The following MCF2L variants were observed in gnomAD, a reference collection of about 807,000 sequenced individuals.
MCF2L encodes guanine nucleotide exchange factor DBS.
Under a neutral mutation model 153.4 loss-of-function variants are expected in MCF2L, and 97 were observed. That is an observed-to-expected ratio of 0.63 (90% CI 0.54 to 0.75). MCF2L has a LOEUF of 0.75. Ranked by LOEUF, MCF2L falls within the 30% of genes least tolerant of loss-of-function variation. The pLI is 0.00. For synonymous variants in MCF2L, 659 were observed against 632.2 expected (o/e 1.04, Z -0.64); for missense variants, 1,347 against 1,495.2 (o/e 0.90, Z 1.64).
At chr13:112,979,324 C>T (rs772839260) in intron 1 of MCF2L, 2 of 1,225,062 alleles carry the variant, frequency 1.6e-6, no homozygotes, top group Non-Finnish European at 2.0e-6. Flanking sequence ...AACTTGCACA[C>T]AGCAGGCAGG....
chr13:113,091,909 C>T lies in MCF2L; in HGVS notation c.2953+2181C>T, dbSNP rs542174056. Among the ~76,000 whole-genome samples, 15 of 152,290 alleles carry T rather than the reference C, an allele frequency of 9.8e-5. No homozygotes were observed. In the South Asian group the frequency reaches 2.9e-3, roughly 29 times the overall value. On this transcript the variant is annotated intron_variant, in intron 26 of 29. Coordinates refer to ENST00000535094, the MANE Select transcript of MCF2L (RefSeq NM_001112732.3). ...GCAGAACCAGCCTTCCCATTCCGCC[C>T]GCCTCCACAGCCTCCTCACATGACA...
intron 2 of MCF2L, among the ~76,000 whole-genome samples, chr13:112,917,694 C>T (rs1298899068): frequency 6.6e-6 from 1 of 152,250 alleles, no homozygotes; most frequent in African/African-American, 2.4e-5. Context: ...TTCAGGCCCT[C>T]CTTGGTGTCT....
chr13:112,896,980 G>A (rs530398952), intron 1 of MCF2L, among the ~76,000 whole-genome samples: 1 of 152,326 alleles, frequency 6.6e-6, no homozygotes, highest in Admixed American at 6.5e-5. Context: ...ACTGGTCAGG[G>A]GCCATGCAGG....
rs61158736 is a variant in MCF2L, at chr13:113,084,324, TACCCCAGAACCTCCTGA to T, written c.2061+270_2061+286del. Among the ~76,000 whole-genome samples the T allele has an allele frequency of 3.2e-4, 47 of 146,306 alleles. 1 individual carries two copies. The Middle Eastern group carries it at 0.01, about 32-fold the overall frequency. On this transcript the variant is annotated intron_variant, in intron 18 of 29. Coordinates refer to ENST00000535094, the MANE Select transcript of MCF2L (RefSeq NM_001112732.3). ...ACCTCCTGTACCCCAGGACCTCCTGTACCCCAGAACCTCCTGAACCCCAGAACCTTCTGTACCCCCAG... is the reference window on the plus strand; with the variant it reads ...ACCTCCTGTACCCCAGGACCTCCTGTACCCCAGAACCTTCTGTACCCCCAG...
intron 13 of MCF2L, among the ~76,000 whole-genome samples, chr13:113,077,875 CAG>C (rs1303644498): frequency 1.3e-5 from 2 of 152,236 alleles, no homozygotes; most frequent in African/African-American, 2.4e-5. Flanking sequence ...CTGTCAATCT[CAG>C]GGGCCCCGGG....
At chr13:113,009,377 A>G (rs1469746571) in intron 1 of MCF2L, 11 of 152,294 alleles carry the variant, frequency 7.2e-5, no homozygotes, top group African/African-American at 2.7e-4. Context: ...TGAAATATTT[A>G]TACCTAACCC....
intron 3 of MCF2L, chr13:113,044,797 G>T (rs1270651848): frequency 6.2e-7 from 1 of 1,612,806 alleles, no homozygotes; most frequent in Non-Finnish European, 8.5e-7. Flanking sequence ...AGAAGTCTTG[G>T]GGATTTTCTC....
intron 2 of MCF2L, among the ~76,000 whole-genome samples, chr13:112,926,610 C>A (rs2081409796): frequency 6.6e-6 from 1 of 152,178 alleles, no homozygotes; most frequent in Non-Finnish European, 1.5e-5. Flanking sequence ...TATATACACA[C>A]AGTGGAGTGC....
intron 8 of MCF2L, among the ~76,000 whole-genome samples, chr13:113,066,689 C>T (rs1414491459): frequency 2.0e-5 from 3 of 151,844 alleles, no homozygotes. Context: ...CCCTGAGCAT[C>T]CCCCTCACCC....
At chr13:113,084,317 C>T (rs2034431177) in intron 18 of MCF2L, among the ~76,000 whole-genome samples, 1 of 151,610 alleles carries the variant, frequency 6.6e-6, no homozygotes, top group African/African-American at 2.4e-5. Context: ...TACCCCAGGA[C>T]CTCCTGTACC....
At chr13:113,001,773 G>T in intron 1 of MCF2L, 1 of 1,403,866 alleles carries the variant, frequency 7.1e-7, no homozygotes, top group South Asian at 1.6e-5. Context: ...GCAGAGGCCA[G>T]GTCTGCCCAG....
At chr13:113,088,463 C>A in intron 24 of MCF2L, 58 bp downstream of exon 24, 1 of 1,608,288 alleles carries the variant, frequency 6.2e-7, no homozygotes, top group Non-Finnish European at 8.5e-7. Context: ...GCATTTTTAC[C>A]TATGTTCAGA....
chr13:112,922,619 G>T (rs1015209674), intron 2 of MCF2L, among the ~76,000 whole-genome samples: 2 of 151,752 alleles, frequency 1.3e-5, no homozygotes, highest in African/African-American at 4.8e-5. Flanking sequence ...GATTGCCTGA[G>T]CTCAGGAGTT....
At position 113,054,343 on chromosome 13, in the gene MCF2L, G is replaced by A. The variant is rs570939694; in HGVS notation, c.370-6250G>A. On this transcript the variant is annotated intron_variant, in intron 4 of 29. Transcript: ENST00000535094. The surrounding 1 kb of genome is among the most constrained non-coding windows in gnomAD (Gnocchi z 5.2). Reference sequence around the variant, plus strand: ...TTTGCTAGAGGACCAGTCCCCAAACGGCCGCGCTTTTAGGATTGGTTTTAG... The same window carrying A: ...TTTGCTAGAGGACCAGTCCCCAAACAGCCGCGCTTTTAGGATTGGTTTTAG... 3 of 167,774 alleles carry A rather than the reference G, an allele frequency of 1.8e-5. No individual in the cohort carries two copies. The highest frequency in any genetic ancestry group is 4.2e-4 in the South Asian group (2 of 4,818). 10.4% of individuals were successfully genotyped at this position (167,774 alleles called of 1,614,324 possible).
chr13:113,058,660 A>ATGT (rs2030742964), intron 4 of MCF2L, among the ~76,000 whole-genome samples: 2 of 126,196 alleles, frequency 1.6e-5, no homozygotes, highest in African/African-American at 3.1e-5. Flanking sequence ...TTGGGCACTG[A>ATGT]GTGGGCGCTG....
At chr13:112,918,560 G>A (rs3011502) in intron 2 of MCF2L, among the ~76,000 whole-genome samples, 15,626 of 152,152 alleles carry the variant, frequency 0.1, 1,041 homozygotes, top group African/African-American at 0.19. Flanking sequence ...CCTAGGCCTG[G>A]GGGGATGCAG....
intron 2 of MCF2L, among the ~76,000 whole-genome samples, chr13:112,935,353 G>A (rs1359095250): frequency 7.2e-5 from 11 of 152,150 alleles, no homozygotes; most frequent in African/African-American, 2.7e-4. Flanking sequence ...CGCCTCCCGG[G>A]TTCCAGCGAT....
chr13:113,078,579 A>T (rs1039089985), intron 14 of MCF2L, 87 bp from the exon 15 acceptor site: 1 of 1,422,084 alleles, frequency 7.0e-7, no homozygotes, highest in East Asian at 2.4e-5. Context: ...CCCTGTCCCC[A>T]TACGGGAACT....
intron 1 of MCF2L, among the ~76,000 whole-genome samples, chr13:112,897,617 G>C (rs1288651559): frequency 1.3e-5 from 2 of 152,252 alleles, no homozygotes; most frequent in South Asian, 4.1e-4. Flanking sequence ...TTTCCATCAT[G>C]ATGTAAGGAA....
Sources: gnomAD v4.1 joint callset for allele counts (sites outside exome capture counted in the v4.1 genomes callset) on GRCh38, gnomAD v4.1.1 for gene constraint, Gnocchi (gnomAD v3.1) non-coding constraint, MANE v1.5 for transcripts, NCBI Gene and HGNC (gene_info 2026-07-23, HGNC 2026-07-21) for gene names.